ADK: variants seen among roughly 807,000 people sequenced by gnomAD.
ADK encodes N6,N6-dimethyladenosine kinase.
Under a neutral mutation model 44.7 loss-of-function variants are expected in ADK, and 24 were observed. The ratio of observed to expected loss-of-function variants is 0.54; its 90% CI spans 0.39 to 0.76. The LOEUF (loss-of-function observed/expected upper bound fraction) is 0.76. Among genes scored for constraint, ADK ranks in the 30% least tolerant of loss-of-function variants. The pLI is 0.00. For missense variants in ADK, 321 were observed against 425.1 expected (o/e 0.76, Z 2.15); for synonymous variants, 128 against 142.6 (o/e 0.90, Z 0.73).
chr10:74,463,061 A>G (rs565173861), intron 6 of ADK, among the ~76,000 whole-genome samples: 1 of 152,296 alleles, frequency 6.6e-6, no homozygotes, highest in East Asian at 1.9e-4. Flanking sequence ...AGAAATTGCT[A>G]TCTAATAAGT....
At chr10:74,282,226 C>G (rs1846968831) in intron 3 of ADK, among the ~76,000 whole-genome samples, 1 of 151,826 alleles carries the variant, frequency 6.6e-6, no homozygotes, top group Non-Finnish European at 1.5e-5. Flanking sequence ...GTAATGTTAC[C>G]AAAAAATCTC....
chr10:74,234,213 A>C (rs1159193084), intron 3 of ADK, among the ~76,000 whole-genome samples: 1 of 152,162 alleles, frequency 6.6e-6, no homozygotes, highest in Non-Finnish European at 1.5e-5. Context: ...TGAAAACTCT[A>C]TGTTGATTTC....
chr10:74,542,379 A>G (rs1226927035), intron 7 of ADK, among the ~76,000 whole-genome samples: 1 of 152,194 alleles, frequency 6.6e-6, no homozygotes, highest in African/African-American at 2.4e-5. Context: ...CACAATAATA[A>G]CTAATATGCT....
intron 4 of ADK, chr10:74,344,742 TGTC>T (rs988412087): frequency 1.3e-4 from 24 of 178,798 alleles, no homozygotes; most frequent in Non-Finnish European, 2.3e-4. Context: ...GCAAGTTTAT[TGTC>T]AGTCCCAAGA....
chr10:74,653,516 T>C (rs1589337195), intron 9 of ADK, among the ~76,000 whole-genome samples: 1 of 151,892 alleles, frequency 6.6e-6, no homozygotes, highest in Non-Finnish European at 1.5e-5. Flanking sequence ...ACTTTTTTTT[T>C]CCCCTGGTGC....
At chr10:74,573,977 G>A (rs1042175606) in intron 7 of ADK, among the ~76,000 whole-genome samples, 12 of 152,242 alleles carry the variant, frequency 7.9e-5, no homozygotes, top group Admixed American at 2.6e-4. Flanking sequence ...GCAATGCCTC[G>A]CCCTGCTTTG....
At chr10:74,305,024 G>A (rs931503053) in intron 3 of ADK, among the ~76,000 whole-genome samples, 3 of 151,980 alleles carry the variant, frequency 2.0e-5, no homozygotes, top group East Asian at 1.9e-4. Context: ...AAATTCTGTG[G>A]TATTTGTATA....
At chr10:74,685,402 C>T (rs1021144047) in intron 10 of ADK, among the ~76,000 whole-genome samples, 1 of 152,174 alleles carries the variant, frequency 6.6e-6, no homozygotes, top group Non-Finnish European at 1.5e-5. Flanking sequence ...TCAGAAAGAA[C>T]AGCAAAAGAT....
intron 2 of ADK, among the ~76,000 whole-genome samples, chr10:74,220,020 A>G (rs1339192557): frequency 2.0e-5 from 3 of 150,878 alleles, no homozygotes; most frequent in African/African-American, 7.3e-5. Context: ...AACTAAAATC[A>G]GAGCAGAACT....
chr10:74,671,947 A>G (rs1030099620), intron 10 of ADK, among the ~76,000 whole-genome samples: 1 of 152,180 alleles, frequency 6.6e-6, no homozygotes, highest in African/African-American at 2.4e-5. Context: ...CTGTAATGCT[A>G]CCGATACTAG....
At chr10:74,394,349 G>A in intron 5 of ADK, 36 bp downstream of exon 5, 2 of 1,600,772 alleles carry the variant, frequency 1.2e-6, no homozygotes, top group Non-Finnish European at 1.7e-6. Context: ...TATACTAATT[G>A]GCTATTTTAA....
chr10:74,532,996 A>G (rs1157668680), intron 7 of ADK, among the ~76,000 whole-genome samples: 1 of 152,086 alleles, frequency 6.6e-6, no homozygotes, highest in Non-Finnish European at 1.5e-5. Flanking sequence ...AAAAATTTAA[A>G]TCTCAAATGT....
intron 4 of ADK, among the ~76,000 whole-genome samples, chr10:74,334,189 C>T (rs775925254): frequency 6.6e-6 from 1 of 152,134 alleles, no homozygotes. Context: ...CCTTGGCAAT[C>T]CCTGCTCTGT....
intron 6 of ADK, among the ~76,000 whole-genome samples, chr10:74,437,498 C>T (rs766101381): frequency 4.6e-5 from 7 of 152,184 alleles, no homozygotes; most frequent in African/African-American, 1.7e-4. Context: ...TGTGCCCTAG[C>T]CAAACCCTAG....
chr10:74,197,710 A>G (rs9732237), intron 1 of ADK, among the ~76,000 whole-genome samples: 3,761 of 80,498 alleles, frequency 0.047, 136 homozygotes, highest in African/African-American at 0.13. Context: ...AAAAAAAAAA[A>G]GAAAAAAAAA....
At chr10:74,513,555 C>T (rs1164461162) in intron 6 of ADK, among the ~76,000 whole-genome samples, 1 of 151,994 alleles carries the variant, frequency 6.6e-6, no homozygotes, top group African/African-American at 2.4e-5. Flanking sequence ...ATAGCTATTC[C>T]TGTTTGCTTT....
intron 6 of ADK, among the ~76,000 whole-genome samples, chr10:74,424,475 G>A (rs190394853): frequency 2.0e-3 from 291 of 145,700 alleles, no homozygotes; most frequent in African/African-American, 7.3e-3. Flanking sequence ...TGGAGGTTGC[G>A]GTGAGCCAAG....
intron 7 of ADK, among the ~76,000 whole-genome samples, chr10:74,538,471 G>A (rs1181163262): frequency 6.6e-6 from 1 of 152,048 alleles, no homozygotes; most frequent in Non-Finnish European, 1.5e-5. Context: ...ATCAACAAAC[G>A]AATTACAAAA....
chr10:74,557,577 ATT>A (rs1181851139), intron 7 of ADK, among the ~76,000 whole-genome samples: 1 of 152,138 alleles, frequency 6.6e-6, no homozygotes, highest in Non-Finnish European at 1.5e-5. Flanking sequence ...TTCTAGACAT[ATT>A]TTATTGTAAA....
Sources: allele counts gnomAD v4.1 joint callset (sites outside exome capture counted in the v4.1 genomes callset), GRCh38; gene constraint gnomAD v4.1.1; transcripts MANE v1.5; gene names NCBI Gene and HGNC (gene_info 2026-07-23, HGNC 2026-07-21).